XDH: variants seen among roughly 807,000 people sequenced by gnomAD.
The protein encoded by XDH is xanthine dehydrogenase, also known as xanthine dehydrogenase/oxidase.
A neutral mutation model predicts 156.1 loss-of-function variants in XDH; 138 were observed. The ratio of observed to expected loss-of-function variants is 0.88; its 90% confidence interval spans 0.77 to 1.02. The LOEUF (loss-of-function observed/expected upper bound fraction) is 1.02, where lower values mean the gene tolerates loss of function less well. Among genes scored for constraint, XDH ranks in the 50% least tolerant of loss-of-function variants. The pLI is 0.00. For missense variants in XDH, 1,849 were observed against 1,684.9 expected (o/e 1.10, Z -1.71); for synonymous variants, 669 against 625.7 (o/e 1.07, Z -1.03).
At position 31,350,652 on chromosome 2, in the gene XDH, G is replaced by A. The variant is rs1002874288; in HGVS notation, c.2632-429C>T. Among the ~76,000 whole-genome samples, 3 of 152,224 alleles carry A rather than the reference G, an allele frequency of 2.0e-5. 1 individual carries two copies. The South Asian group carries it at 6.2e-4, about 32-fold the overall frequency. ...GCCTCCCAAAGTGCTGGGATTACAG[G>A]CATGAGCCCAGCCTGCGGCAGCATC... is the stretch of plus-strand genomic sequence containing the variant. On this transcript the variant is annotated intron_variant, in intron 24 of 35. Coordinates refer to ENST00000379416, the MANE Select transcript of XDH (RefSeq NM_000379.4).
intron 2 of XDH, among the ~76,000 whole-genome samples, chr2:31,403,385 G>A (rs996574693): frequency 7.9e-5 from 12 of 152,168 alleles, no homozygotes; most frequent in Admixed American, 1.3e-4. Context: ...GAACCCCATG[G>A]ACAGCACCCA....
rs1329288455 is a variant in XDH, at chr2:31,349,763, G to A, written c.2892C>T (p.Thr964=). The change falls in exon 26 of 36, where the codon ACC becomes ACT. Residue 964 remains threonine, a synonymous_variant. Coordinates refer to ENST00000379416, the MANE Select transcript of XDH (RefSeq NM_000379.4). Reference sequence around the variant, plus strand: ...GGCATTCTTCCCAGCATCTGGGCAAGGTGAAACCCTCAAGCTTCTGGTTGA... The same window carrying A: ...GGCATTCTTCCCAGCATCTGGGCAAAGTGAAACCCTCAAGCTTCTGGTTGA... ...THFNQKLEGF[T]LPRCWEECLA... The A allele has an allele frequency of 6.2e-7, 1 of 1,614,170 alleles. No homozygotes were observed. The highest frequency in any genetic ancestry group is 1.3e-5 in the African/African-American group (1 of 75,014).
chr2:31,372,438 A>T, intron 16 of XDH, 41 bp from the exon 17 acceptor site: 1 of 1,613,340 alleles, frequency 6.2e-7, no homozygotes, highest in Non-Finnish European at 8.5e-7. Context: ...GCTGCCAAGG[A>T]CACTGCCCCT....
intron 3 of XDH, among the ~76,000 whole-genome samples, chr2:31,402,338 C>T (rs1687082226): frequency 6.6e-6 from 1 of 152,114 alleles, no homozygotes; most frequent in Non-Finnish European, 1.5e-5. Flanking sequence ...TTGCATTTCC[C>T]TGGTGGAGCT....
At position 31,365,990 on chromosome 2, in the gene XDH, G is replaced by C. The variant is rs368823881; in HGVS notation, c.2442C>G (p.Ala814=). ...TRSTVVSTAV[A]LAAYKTGRPV... is the part of the protein sequence containing the mutation. ...TTGGAACTCACTTATATGCAGCCAG[G>C]GCCACTGCCGTGGACACCACAGTGC... Residue 814 remains alanine, a synonymous_variant, in exon 22 of 36, where the codon GCC becomes GCG. Transcript: ENST00000379416. The C allele has an allele frequency of 5.0e-6, 8 of 1,614,020 alleles. No individual in the cohort carries two copies. Among genetic ancestry groups the C allele is most frequent in the Non-Finnish European group, 5.9e-6 (7 of 1,180,028 alleles).
chr2:31,342,111 GC>G, intron 32 of XDH, 71 bp downstream of exon 32: 1 of 1,354,000 alleles, frequency 7.4e-7, no homozygotes, highest in Non-Finnish European at 1.1e-6. Flanking sequence ...GTCTCTATCA[GC>G]TCTAGGTATT....
intron 28 of XDH, among the ~76,000 whole-genome samples, 181 bp from the exon 29 acceptor site, chr2:31,347,831 C>A (rs1406075222): frequency 6.6e-6 from 1 of 152,144 alleles, no homozygotes; most frequent in Non-Finnish European, 1.5e-5. Context: ...TGGTGGAGTT[C>A]GGTTGGATAA....
intron 6 of XDH, among the ~76,000 whole-genome samples, chr2:31,396,695 G>A (rs1367812351): frequency 6.6e-6 from 1 of 152,134 alleles, no homozygotes; most frequent in Non-Finnish European, 1.5e-5. Context: ...CTTGCCCAAG[G>A]TCGTGCATCA....
rs2148745824 is a variant in XDH at position 31,335,795 on chromosome 2, G to T, written c.*163C>A. ...CATTGTGTTTACAAATTACATTTTT[G>T]ATCAAAATCTTCCATTGCATTCACT... is the stretch of plus-strand genomic sequence containing the variant. On this transcript the variant is annotated 3_prime_UTR_variant, in exon 36 of 36. Transcript: ENST00000379416. The T allele has an allele frequency of 1.3e-6, 1 of 787,400 alleles. No homozygotes were observed. The highest frequency in any genetic ancestry group is 2.7e-5 in the East Asian group (1 of 37,686). The allele number at this position is 787,400 out of a possible 1,614,324, so 48.8% of individuals were successfully genotyped here.
At position 31,366,112 on chromosome 2, in the gene XDH, G is replaced by A. The variant is rs191646938; in HGVS notation, c.2323-3C>T. 1.9e-6 allele frequency: 3 copies of A among 1,614,212 alleles called. No homozygotes were observed. The highest frequency in any genetic ancestry group is 2.5e-6 in the Non-Finnish European group (3 of 1,180,046). Reference sequence around the variant, plus strand: ...CCCAACATTTTTGCAACAAAGCTCTGTGAGTGAAAGACAGAACATTCGCAC... The same window carrying A: ...CCCAACATTTTTGCAACAAAGCTCTATGAGTGAAAGACAGAACATTCGCAC... On this transcript the variant is annotated splice_polypyrimidine_tract_variant and splice_region_variant and intron_variant, in intron 21 of 35. Transcript: ENST00000379416.
In XDH at chr2:31,367,943, G is replaced by A. The variant is rs756126817; in HGVS notation, c.2197+18C>T. The A allele has an allele frequency of 3.3e-5, 53 of 1,613,288 alleles. No individual in the cohort carries two copies. Among genetic ancestry groups the A allele is most frequent in the Middle Eastern group, 3.3e-4 (2 of 6,062 alleles). On this transcript the variant is annotated intron_variant, in intron 20 of 35. Coordinates refer to ENST00000379416, the MANE Select transcript of XDH (RefSeq NM_000379.4). ...ACCAGGGCCACCCCATTCCCACTGC[G>A]GCATGGAACAGCTCTACCTGACACA...
At chr2:31,375,253 G>C (rs1686212580) in intron 15 of XDH, 127 bp downstream of exon 15, 1 of 1,250,120 alleles carries the variant, frequency 8.0e-7, no homozygotes, top group Admixed American at 1.7e-5. Context: ...TTCTTGTGCT[G>C]TGACCCTGGT....
intron 11 of XDH, among the ~76,000 whole-genome samples, chr2:31,382,455 C>T (rs1156495890): frequency 6.6e-6 from 1 of 152,154 alleles, no homozygotes; most frequent in Non-Finnish European, 1.5e-5. Context: ...TTGTGAAGAG[C>T]TTCCATTGGC....
Position 31,368,660 on chromosome 2 carries a change from C to G in XDH, c.1981G>C (p.Val661Leu). The change falls in exon 19 of 36, where the codon GTT becomes CTT. Residue 661 changes from valine (V) to leucine (L), a missense_variant and splice_region_variant. Physicochemically the swap from Val to Leu is conservative, Grantham distance 32. Transcript: ENST00000379416. ...NDETVFAKDK[V>L]TCVGHIIGAV... is the part of the protein sequence containing the mutation. ...CCAATGATATGCCCAACACAAGTAACCTAGTAGCAGAGACAGACTGTTAAA... is the reference window on the plus strand; with the variant it reads ...CCAATGATATGCCCAACACAAGTAAGCTAGTAGCAGAGACAGACTGTTAAA... 6.2e-7 allele frequency: 1 copy of G among 1,614,160 alleles called. No individual in the cohort carries two copies.
chr2:31,364,975 A>T (rs1685869326), intron 23 of XDH, among the ~76,000 whole-genome samples: 1 of 152,160 alleles, frequency 6.6e-6, no homozygotes, highest in South Asian at 2.1e-4. Context: ...AACCCAGAAG[A>T]GGGACTGTCC....
intron 7 of XDH, 68 bp from the exon 8 acceptor site, chr2:31,387,965 C>A: frequency 6.7e-7 from 1 of 1,502,204 alleles, no homozygotes; most frequent in Non-Finnish European, 9.0e-7. Flanking sequence ...AGGACCAATT[C>A]AGCCTTTCCT....
At chr2:31,359,970 A>G (rs1685732880) in intron 24 of XDH, among the ~76,000 whole-genome samples, 1 of 152,178 alleles carries the variant, frequency 6.6e-6, no homozygotes, top group African/African-American at 2.4e-5. Context: ...TAAGTGGAAA[A>G]TATGCTTGAG....
At chr2:31,372,182 G>A (rs1293239142) in intron 17 of XDH, 46 bp downstream of exon 17, 2 of 1,613,620 alleles carry the variant, frequency 1.2e-6, no homozygotes, top group Admixed American at 1.7e-5. Context: ...ACTCCCAGTG[G>A]CCCCCTCACA....
rs1333577339 is a variant in XDH at position 31,372,336 on chromosome 2, G to A, written c.1748C>T (p.Ala583Val). The change falls in exon 17 of 36, where the codon GCG becomes GTG. Residue 583 changes from alanine (A) to valine (V), a missense_variant. Ala to Val is a moderately conservative substitution (Grantham distance 64). Transcript: ENST00000379416. The stretch of plus-strand genomic sequence containing the variant: ...GGCCTCACCAGAGGCCTGCATGTCC[G>A]CTGCCAGGTGGGGCAGGGGCCGGCC... ...MVGRPLPHLAADMQASGEAVY... is the reference protein window; with the variant it reads ...MVGRPLPHLAVDMQASGEAVY... The A allele has an allele frequency of 6.2e-6, 10 of 1,614,026 alleles. No homozygotes were observed. Among genetic ancestry groups the A allele is most frequent in the African/African-American group, 2.7e-5 (2 of 74,930 alleles).
Sources: allele counts gnomAD v4.1 joint callset (sites outside exome capture counted in the v4.1 genomes callset), GRCh38; gene constraint gnomAD v4.1.1; transcripts MANE v1.5; gene names NCBI Gene and HGNC (gene_info 2026-07-23, HGNC 2026-07-21).